Variants in CASR observed in about 807,000 individuals in gnomAD.
CASR encodes calcium sensing receptor, also known as extracellular calcium-sensing receptor.
A neutral mutation model predicts 69.1 loss-of-function variants in CASR; 23 were observed. The ratio of observed to expected loss-of-function variants is 0.33; its 90% CI spans 0.24 to 0.47. CASR has a LOEUF of 0.47. Ranked by LOEUF, CASR falls within the 20% of genes least tolerant of loss-of-function variation. The pLI is 1.00. For missense variants in CASR, 924 were observed against 1,356.1 expected, an observed-to-expected ratio of 0.68 and a Z score of 5.00; for synonymous variants, 541 against 544.7, an observed-to-expected ratio of 0.99 and a Z score of 0.10.
At chr3:122,192,584 A>G (rs1559932890) in intron 1 of CASR, among the ~76,000 whole-genome samples, 1 of 152,196 alleles carries the variant, frequency 6.6e-6, no homozygotes, top group Non-Finnish European at 1.5e-5. Context: ...AATCTTACAC[A>G]TTTGAAAAAG....
At chr3:122,251,055 G>A (rs888482831) in intron 1 of CASR, among the ~76,000 whole-genome samples, 1 of 152,184 alleles carries the variant, frequency 6.6e-6, no homozygotes, top group African/African-American at 2.4e-5. Context: ...AGAAAACTGG[G>A]ATGGTCATGG....
In CASR at chr3:122,259,106, T is replaced by C. The variant is rs181851671; in HGVS notation, c.492+1719T>C. ...GTTTTGTGTGTTTCTGAGGGGTTTT[T>C]TGGGGGGTTGGGGCACAAAATGGTA... On this transcript the variant is annotated intron_variant, in intron 3 of 6. Transcript: ENST00000639785. 1.2e-4 allele frequency among the ~76,000 whole-genome samples: 19 copies of C among 152,300 alleles called. No individual in the cohort carries two copies. The East Asian group carries it at 3.7e-3, about 29-fold the overall frequency.
At chr3:122,187,930 C>T (rs1287161960) in intron 1 of CASR, among the ~76,000 whole-genome samples, 2 of 152,128 alleles carry the variant, frequency 1.3e-5, no homozygotes, top group Non-Finnish European at 2.9e-5. Flanking sequence ...AGCTGTGGGA[C>T]CTCAGTTAAG....
intron 4 of CASR, among the ~76,000 whole-genome samples, chr3:122,264,228 C>G (rs1486175978): frequency 6.6e-6 from 1 of 152,146 alleles, no homozygotes; most frequent in Non-Finnish European, 1.5e-5. Flanking sequence ...TGGGTCATGT[C>G]ACTAAAAATC....
rs1188078024 is a variant in CASR at position 122,282,137 on chromosome 3, G to A, written c.1633G>A (p.Asp545Asn). ...GGTGCCCTTCTCCAACTGCAGCCGA[G>A]ACTGCCTGGCAGGGACCAGGAAAGG... ...REVPFSNCSR[D>N]CLAGTRKGII... Residue 545 changes from aspartate to asparagine, a missense_variant, in exon 6 of 7, where the codon GAC (aspartate) becomes AAC (asparagine). By Grantham distance (23) the Asp-to-Asn change is conservative. Coordinates refer to ENST00000639785, the MANE Select transcript of CASR (RefSeq NM_000388.4). The A allele has an allele frequency of 6.2e-7, 1 of 1,614,212 alleles. No individual in the cohort carries two copies. Among genetic ancestry groups the A allele is most frequent in the Admixed American group, 1.7e-5 (1 of 60,030 alleles).
chr3:122,253,523 G>C lies in CASR; in HGVS notation c.-242-425G>C, dbSNP rs34721736. On this transcript the variant is annotated intron_variant, in intron 1 of 6. Coordinates refer to ENST00000639785, the MANE Select transcript of CASR (RefSeq NM_000388.4). Reference sequence around the variant, plus strand: ...TCCCCATAGTGCTAGGATTACAGGCGTGAGCCATTGCACCCAGCTTCATTC... The same window carrying C: ...TCCCCATAGTGCTAGGATTACAGGCCTGAGCCATTGCACCCAGCTTCATTC... 1.7e-3 allele frequency among the ~76,000 whole-genome samples: 263 copies of C among 152,236 alleles called. 1 individual carries two copies. Among genetic ancestry groups the C allele is most frequent in the Non-Finnish European group, 3.0e-3 (202 of 68,006 alleles).
intron 1 of CASR, among the ~76,000 whole-genome samples, chr3:122,251,210 A>G (rs752066216): frequency 6.6e-6 from 1 of 152,234 alleles, no homozygotes; most frequent in Admixed American, 6.5e-5. Context: ...CCATATGACA[A>G]TGATTAAGAG....
At chr3:122,198,690 T>A (rs747697156) in intron 1 of CASR, among the ~76,000 whole-genome samples, 20 of 152,074 alleles carry the variant, frequency 1.3e-4, no homozygotes, top group Non-Finnish European at 2.2e-4. Context: ...AGTTTCTTAG[T>A]GAATTACATA....
In CASR at chr3:122,284,740, G is replaced by A. The variant is rs1339777095; in HGVS notation, c.2786G>A (p.Arg929Lys). The change falls in exon 7 of 7, where the codon AGG (arginine) becomes AAG (lysine). Residue 929 changes from arginine (R) to lysine (K), a missense_variant. By Grantham distance (26) the Arg-to-Lys change is conservative. Around this residue, in one of 8 missense-constraint regions of CASR, gnomAD observed 201 missense variants for 228.8 expected, o/e 0.88. Coordinates refer to ENST00000639785, the MANE Select transcript of CASR (RefSeq NM_000388.4). The stretch of plus-strand genomic sequence containing the variant: ...GAAGACCCATTCCCACAGCCCGAGA[G>A]GCAGAAGCAGCAGCAGCCGCTGGCC... ...NSEDPFPQPERQKQQQPLALT... is the reference protein window; with the variant it reads ...NSEDPFPQPEKQKQQQPLALT... 3.1e-6 allele frequency: 5 copies of A among 1,614,074 alleles called. No homozygotes were observed. In the African/African-American group the frequency reaches 5.3e-5, roughly 17 times the overall value.
chr3:122,246,505 G>A (rs1271710718), intron 1 of CASR: 2 of 152,208 alleles, frequency 1.3e-5, no homozygotes, highest in Non-Finnish European at 2.9e-5. Flanking sequence ...GGAAACAGGA[G>A]AAGAGAGAAG....
chr3:122,285,136 G>C lies in CASR; in HGVS notation c.3182G>C (p.Ser1061Thr). The change falls in exon 7 of 7, where the codon AGC becomes ACC. Residue 1061 changes from serine to threonine, a missense_variant. Coordinates refer to ENST00000639785, the MANE Select transcript of CASR (RefSeq NM_000388.4). ...GCACTTGTAGTGTCCAGTTCACAGA[G>C]CTTTGTCATCAGTGGTGGAGGCAGC... ...SPALVVSSSQ[S>T]FVISGGGSTV... The C allele has an allele frequency of 1.2e-6, 2 of 1,614,188 alleles. No individual in the cohort carries two copies. The highest frequency in any genetic ancestry group is 1.7e-6 in the Non-Finnish European group (2 of 1,180,036).
chr3:122,207,767 C>T (rs999287814), intron 1 of CASR, among the ~76,000 whole-genome samples: 1 of 152,014 alleles, frequency 6.6e-6, no homozygotes, highest in Non-Finnish European at 1.5e-5. Flanking sequence ...AATTACTTTT[C>T]GTTACTGTTG....
At chr3:122,211,266 C>T (rs2074062428) in intron 1 of CASR, among the ~76,000 whole-genome samples, 1 of 152,140 alleles carries the variant, frequency 6.6e-6, no homozygotes, top group Non-Finnish European at 1.5e-5. Context: ...AGAGCTTCTG[C>T]ACAGCAAAAG....
At chr3:122,248,608 ATT>A (rs539049283) in intron 1 of CASR, among the ~76,000 whole-genome samples, 17 of 141,588 alleles carry the variant, frequency 1.2e-4, no homozygotes, top group South Asian at 2.2e-4. Flanking sequence ...GCAACCTAGA[ATT>A]TTTTTTTTTT....
rs575960228 is a variant in CASR, at chr3:122,270,742, G to C, written c.1378-5070G>C. Among the ~76,000 whole-genome samples the C allele has an allele frequency of 2.0e-3, 311 of 151,940 alleles. 2 individuals are homozygous for C. Among genetic ancestry groups the C allele is most frequent in the African/African-American group, 7.3e-3 (303 of 41,466 alleles). On this transcript the variant is annotated intron_variant, in intron 4 of 6. Coordinates refer to ENST00000639785, the MANE Select transcript of CASR (RefSeq NM_000388.4). ...TAAAATACGTTCCAACTTTCCTTTT[G>C]ATTTCTTCTTTGGCTCTCAGGTTTA... is the stretch of plus-strand genomic sequence containing the variant.
intron 1 of CASR, among the ~76,000 whole-genome samples, chr3:122,187,967 A>G (rs1433827692): frequency 6.6e-6 from 1 of 152,218 alleles, no homozygotes; most frequent in African/African-American, 2.4e-5. Context: ...ATTAATGGTA[A>G]TAAAGGTAAT....
intron 1 of CASR, among the ~76,000 whole-genome samples, chr3:122,187,247 C>T (rs2073794763): frequency 6.6e-6 from 1 of 152,130 alleles, no homozygotes; most frequent in Non-Finnish European, 1.5e-5. Flanking sequence ...CTAGCCACTG[C>T]TCTAATTGGG....
chr3:122,272,106 C>T (rs759718773), intron 4 of CASR, among the ~76,000 whole-genome samples: 13 of 151,846 alleles, frequency 8.6e-5, no homozygotes, highest in Non-Finnish European at 1.8e-4. Flanking sequence ...CACACACACA[C>T]ACACACACAC....
chr3:122,243,145 A>C (rs147436767), intron 1 of CASR, among the ~76,000 whole-genome samples: 41 of 152,264 alleles, frequency 2.7e-4, no homozygotes, highest in African/African-American at 8.7e-4. Context: ...CTCCAGAAGC[A>C]CAGGCAGCCA....
Sources: gnomAD v4.1 joint callset for allele counts (sites outside exome capture counted in the v4.1 genomes callset) on GRCh38, gnomAD v4.1.1 for gene constraint, gnomAD v4.1.1 regional missense constraint, MANE v1.5 for transcripts, NCBI Gene and HGNC (gene_info 2026-07-23, HGNC 2026-07-21) for gene names.